Variants in MYO18B observed in about 807,000 individuals in gnomAD.
MYO18B encodes unconventional myosin-XVIIIb.
A neutral mutation model predicts 273.0 loss-of-function variants in MYO18B; 204 were observed. That is an observed-to-expected ratio of 0.75 (90% CI 0.67 to 0.84). The LOEUF (loss-of-function observed/expected upper bound fraction) is 0.84, where lower values mean the gene tolerates loss of function less well. Among genes scored for constraint, MYO18B ranks in the 40% least tolerant of loss-of-function variants. The pLI is 0.00. For synonymous variants in MYO18B, 1,330 were observed against 1,305.7 expected, an observed-to-expected ratio of 1.02 and a Z score of -0.40; for missense variants, 3,212 against 3,287.6, an observed-to-expected ratio of 0.98 and a Z score of 0.56.
chr22:26,027,512 G>A lies in MYO18B; in HGVS notation c.7538G>A (p.Gly2513Asp), dbSNP rs1569310999. ...CTGTCTGACTCGTCCTCATCCTCCG[G>A]CTCCATCGTGTCCTTCAAAAGTGCT... is the stretch of plus-strand genomic sequence containing the variant. ...AHLSDSSSSS[G>D]SIVSFKSADS... The change falls in exon 43 of 44, where the codon GGC (glycine) becomes GAC (aspartate). Residue 2513 changes from glycine to aspartate, a missense_variant. Coordinates refer to ENST00000335473, the MANE Select transcript of MYO18B (RefSeq NM_032608.7). The surrounding 1 kb of genome is among the most constrained non-coding windows in gnomAD (Gnocchi z 4.1). 1.9e-6 allele frequency: 3 copies of A among 1,613,966 alleles called. No individual in the cohort carries two copies.
intron 36 of MYO18B, among the ~76,000 whole-genome samples, chr22:25,948,498 T>G (rs1166368140): frequency 6.8e-6 from 1 of 146,202 alleles, no homozygotes; most frequent in African/African-American, 2.5e-5. Context: ...CTTTCTTTCT[T>G]TCCTCTCTTT....
Position 25,977,702 on chromosome 22 carries a change from AT to A in MYO18B, c.6157-14660del, listed in dbSNP as rs1416909180. ...AACAGAGGAGACCCCCCAGGTTGGC[AT>A]ATTGCACAAGCTGTCACTCAATAGT... On this transcript the variant is annotated intron_variant, in intron 39 of 43. Transcript: ENST00000335473. Among the ~76,000 whole-genome samples the A allele has an allele frequency of 3.9e-5, 6 of 152,202 alleles. 1 individual carries two copies. Among genetic ancestry groups the A allele is most frequent in the Non-Finnish European group, 7.3e-5 (5 of 68,042 alleles).
intron 20 of MYO18B, among the ~76,000 whole-genome samples, 172 bp downstream of exon 20, chr22:25,847,824 T>C (rs1397796158): frequency 6.6e-6 from 1 of 151,880 alleles, no homozygotes; most frequent in Non-Finnish European, 1.5e-5. Flanking sequence ...CTCAGAGAGG[T>C]GGAAGTACTT....
chr22:25,996,387 C>T (rs948014874), intron 40 of MYO18B, among the ~76,000 whole-genome samples: 5 of 152,184 alleles, frequency 3.3e-5, no homozygotes, highest in African/African-American at 9.7e-5. Context: ...TTCTTGTTAT[C>T]GTTATTCTCC....
intron 33 of MYO18B, among the ~76,000 whole-genome samples, chr22:25,914,425 A>G (rs1259157994): frequency 6.6e-6 from 1 of 152,020 alleles, no homozygotes; most frequent in Non-Finnish European, 1.5e-5. Context: ...ATTTTTCTAT[A>G]CAGATCTTGG....
intron 42 of MYO18B, among the ~76,000 whole-genome samples, chr22:26,014,675 C>A (rs1205882719): frequency 6.6e-6 from 1 of 152,204 alleles, no homozygotes; most frequent in Non-Finnish European, 1.5e-5. Context: ...TACACTTCCA[C>A]CAACAGTGTA....
the MYO18B span, among the ~76,000 whole-genome samples, chr22:26,047,611 A>C: frequency 6.6e-6 from 1 of 152,222 alleles, no homozygotes; most frequent in African/African-American, 2.4e-5. Context: ...GAAAGTTTCA[A>C]GTGACCAGTC....
At chr22:25,931,567 A>C (rs986113241) in intron 34 of MYO18B, among the ~76,000 whole-genome samples, 1 of 152,024 alleles carries the variant, frequency 6.6e-6, no homozygotes, top group African/African-American at 2.4e-5. Context: ...TGGGAGTGTG[A>C]CTGTATACAG....
chr22:26,025,445 A>C (rs1475309457), intron 42 of MYO18B, among the ~76,000 whole-genome samples: 1 of 152,130 alleles, frequency 6.6e-6, no homozygotes, highest in Non-Finnish European at 1.5e-5. Context: ...AATCGTCCTG[A>C]TTGTTACAGT....
chr22:25,792,658 C>G (rs2087731364), intron 11 of MYO18B, among the ~76,000 whole-genome samples: 1 of 151,874 alleles, frequency 6.6e-6, no homozygotes, highest in Non-Finnish European at 1.5e-5. Context: ...CCATGCCCAG[C>G]TAATTTTTTT....
intron 34 of MYO18B, among the ~76,000 whole-genome samples, chr22:25,929,134 C>T (rs1437847043): frequency 7.3e-6 from 1 of 137,752 alleles, no homozygotes; most frequent in East Asian, 2.1e-4. Context: ...TACACTCCAG[C>T]CTGGGCAACA....
intron 39 of MYO18B, among the ~76,000 whole-genome samples, chr22:25,974,084 G>A (rs930709416): frequency 1.3e-5 from 2 of 151,964 alleles, no homozygotes; most frequent in African/African-American, 4.8e-5. Flanking sequence ...TGCATTTTTT[G>A]AAAAATTAAT....
chr22:25,760,463 T>A lies in MYO18B; in HGVS notation c.-109-521T>A, dbSNP rs923074064. ...AAAAACAAATAATAGTGGTTTCCCT[T>A]CAGGAAATATTGACCAGAAGGGAGC... On this transcript the variant is annotated intron_variant, in intron 1 of 43. Transcript: ENST00000335473. Among the ~76,000 whole-genome samples, 131 of 149,494 alleles carry A rather than the reference T, an allele frequency of 8.8e-4. 2 individuals carry two copies. Among genetic ancestry groups the A allele is most frequent in the Non-Finnish European group, 2.7e-4 (18 of 67,666 alleles).
In MYO18B at chr22:25,792,487, TTTTTCTTTTC is replaced by T. The variant is rs1248848899; in HGVS notation, c.2377-5461_2377-5452del. 1.4e-3 allele frequency among the ~76,000 whole-genome samples: 96 copies of T among 70,636 alleles called. 3 individuals are homozygous for T. Among genetic ancestry groups the T allele is most frequent in the South Asian group, 3.0e-3 (5 of 1,654 alleles). 46.3% of individuals were successfully genotyped at this position (70,636 alleles called of 152,430 possible). A position where few individuals can be genotyped will look rare whatever the true frequency, so the allele number is the denominator to read the frequency against. ...GGGCACCTATGTGATGTTTCTTTTT[TTTTTCTTTTC>T]TTTTTTTTTTTTTTTTGAGACAGAG... On this transcript the variant is annotated intron_variant, in intron 11 of 43. Transcript: ENST00000335473.
chr22:26,027,993 C>G lies in MYO18B; in HGVS notation c.*12+303C>G, dbSNP rs570228392. Among the ~76,000 whole-genome samples the G allele has an allele frequency of 2.0e-5, 3 of 152,128 alleles. No homozygotes were observed. The South Asian group carries it at 6.2e-4, about 32-fold the overall frequency. Reference sequence around the variant, plus strand: ...GCGCGGTGGCTCACGCCTGTAATCCCAGCACTTTGGGAGGCCAAGGCGGGT... The same window carrying G: ...GCGCGGTGGCTCACGCCTGTAATCCGAGCACTTTGGGAGGCCAAGGCGGGT... On this transcript the variant is annotated intron_variant, in intron 43 of 43. Transcript: ENST00000335473. This position sits in a 1 kb window ranked among gnomAD's most constrained non-coding sequence, Gnocchi z 4.1.
intron 41 of MYO18B, 137 bp from the exon 42 acceptor site, chr22:26,004,581 C>A: frequency 9.5e-7 from 1 of 1,054,630 alleles, no homozygotes; most frequent in Non-Finnish European, 1.3e-6. Context: ...CTGGCTCCTA[C>A]CTCTCTGGGA....
At position 25,846,192 on chromosome 22, in the gene MYO18B, T is replaced by G; in HGVS notation, c.3461T>G (p.Leu1154Arg). 1 of 1,612,306 alleles carries G rather than the reference T, an allele frequency of 6.2e-7. No individual in the cohort carries two copies. ...CTGGAGGGCACCTCCCAGCAGGCCC[T>G]GCAGAGGAGCCGCATGGTGAGGAGG... ...AGLEGTSQQA[L>R]QRSRMVRRTF... The change falls in exon 19 of 44, where the codon CTG becomes CGG. Residue 1154 changes from leucine (L) to arginine (R), a missense_variant. By Grantham distance (102) the Leu-to-Arg change is moderately radical (BLOSUM62 -2). Coordinates refer to ENST00000335473, the MANE Select transcript of MYO18B (RefSeq NM_032608.7).
chr22:25,878,850 G>T (rs1044736771), intron 25 of MYO18B, among the ~76,000 whole-genome samples: 4 of 152,238 alleles, frequency 2.6e-5, no homozygotes, highest in East Asian at 1.9e-4. Context: ...ACCTGTCCAT[G>T]CCCTGTGGCT....
chr22:25,858,242 G>A (rs1056484367), intron 21 of MYO18B, among the ~76,000 whole-genome samples: 5 of 152,150 alleles, frequency 3.3e-5, no homozygotes, highest in Non-Finnish European at 4.4e-5. Context: ...ATGAATCCAC[G>A]CCCTTGATAC....
Sources: gnomAD v4.1 joint callset for allele counts (sites outside exome capture counted in the v4.1 genomes callset) on GRCh38, gnomAD v4.1.1 for gene constraint, Gnocchi (gnomAD v3.1) non-coding constraint, MANE v1.5 for transcripts, NCBI Gene and HGNC (gene_info 2026-07-23, HGNC 2026-07-21) for gene names.